DOCK2: variants seen among roughly 807,000 people sequenced by gnomAD.
DOCK2 encodes dedicator of cytokinesis 2, also known as dedicator of cytokinesis protein 2.
A neutral mutation model predicts 248.9 loss-of-function variants in DOCK2; 87 were observed. The ratio of observed to expected loss-of-function variants is 0.35; its 90% CI spans 0.29 to 0.42. The LOEUF (loss-of-function observed/expected upper bound fraction) is 0.42. Ranked by LOEUF, DOCK2 falls within the 10% of genes least tolerant of loss-of-function variation. The pLI, the probability that DOCK2 is intolerant of heterozygous loss-of-function variation, is 1.00. For missense variants in DOCK2, 1,747 were observed against 2,300.2 expected, an observed-to-expected ratio of 0.76 and a Z score of 4.92; for synonymous variants, 805 against 821.6, an observed-to-expected ratio of 0.98 and a Z score of 0.35.
At chr5:169,965,226 T>C (rs980720653) in intron 27 of DOCK2, among the ~76,000 whole-genome samples, 1 of 152,216 alleles carries the variant, frequency 6.6e-6, no homozygotes, top group Non-Finnish European at 1.5e-5. Flanking sequence ...TAAATTTCCA[T>C]GGGCCTAATA....
At chr5:169,686,439 G>A (rs1006215431) in intron 8 of DOCK2, among the ~76,000 whole-genome samples, 4 of 152,218 alleles carry the variant, frequency 2.6e-5, no homozygotes, top group Non-Finnish European at 5.9e-5. Context: ...ATCTCTGAGA[G>A]TGCTGGAGAC....
At chr5:170,043,314 G>C (rs1197457506) in intron 38 of DOCK2, among the ~76,000 whole-genome samples, 1 of 152,172 alleles carries the variant, frequency 6.6e-6, no homozygotes, top group Non-Finnish European at 1.5e-5. Context: ...TGAAAATAGA[G>C]TGAGAAAATG....
intron 26 of DOCK2, among the ~76,000 whole-genome samples, chr5:169,826,988 C>T (rs1266125131): frequency 2.6e-5 from 4 of 152,016 alleles, no homozygotes; most frequent in Non-Finnish European, 5.9e-5. Context: ...TCTCTGAATC[C>T]TCAGAATCCA....
chr5:169,882,152 A>T (rs954998419), intron 27 of DOCK2, among the ~76,000 whole-genome samples: 2 of 152,218 alleles, frequency 1.3e-5, no homozygotes, highest in Admixed American at 6.5e-5. Context: ...TCACAATGAC[A>T]TGAAGAACAG....
intron 41 of DOCK2, among the ~76,000 whole-genome samples, chr5:170,054,786 T>G (rs1346826226): frequency 2.0e-5 from 3 of 152,296 alleles, no homozygotes; most frequent in Middle Eastern, 3.4e-3. Flanking sequence ...GGGCCGCCTT[T>G]GAGTAGTGAG....
intron 33 of DOCK2, among the ~76,000 whole-genome samples, chr5:170,021,611 G>C (rs2113824232): frequency 6.6e-6 from 1 of 152,148 alleles, no homozygotes; most frequent in Non-Finnish European, 1.5e-5. Flanking sequence ...CATTCCTTGG[G>C]CTCCTCACTC....
At chr5:169,780,923 T>C (rs1215530749) in intron 25 of DOCK2, among the ~76,000 whole-genome samples, 2 of 152,178 alleles carry the variant, frequency 1.3e-5, no homozygotes, top group African/African-American at 4.8e-5. Context: ...CCAAAACACT[T>C]CTAATATTAT....
intron 27 of DOCK2, among the ~76,000 whole-genome samples, chr5:169,908,028 T>C (rs1196947809): frequency 6.6e-6 from 1 of 152,222 alleles, no homozygotes; most frequent in African/African-American, 2.4e-5. Context: ...TGCCTTCATC[T>C]AGAAGCTGTG....
At chr5:169,879,775 T>C (rs184281875) in intron 27 of DOCK2, among the ~76,000 whole-genome samples, 247 of 152,324 alleles carry the variant, frequency 1.6e-3, no homozygotes, top group South Asian at 5.4e-3. Context: ...TTAAAGACCC[T>C]CATTTTTCAG....
chr5:169,990,582 A>G (rs1581509610), intron 29 of DOCK2, among the ~76,000 whole-genome samples: 1 of 152,280 alleles, frequency 6.6e-6, no homozygotes, highest in East Asian at 1.9e-4. Flanking sequence ...GATTCATTCG[A>G]ACCTTTTGGC....
At chr5:169,912,025 C>T (rs953771295) in intron 27 of DOCK2, among the ~76,000 whole-genome samples, 1 of 152,158 alleles carries the variant, frequency 6.6e-6, no homozygotes, top group Non-Finnish European at 1.5e-5. Context: ...AGGGCATGGG[C>T]TAACTGCGTA....
chr5:169,652,649 G>A (rs1561907815), intron 1 of DOCK2, among the ~76,000 whole-genome samples: 1 of 152,234 alleles, frequency 6.6e-6, no homozygotes, highest in Non-Finnish European at 1.5e-5. Flanking sequence ...GTGAGTGGCA[G>A]AGCTGGGGTT....
chr5:169,844,736 C>CT (rs5873195), intron 27 of DOCK2, among the ~76,000 whole-genome samples: 6,593 of 146,162 alleles, frequency 0.045, 333 homozygotes, highest in African/African-American at 0.12. Context: ...TGCTCTGCCT[C>CT]TTTTTTTTTT....
chr5:169,867,520 T>C (rs1206520022), intron 27 of DOCK2, among the ~76,000 whole-genome samples: 1 of 151,078 alleles, frequency 6.6e-6, no homozygotes, highest in Non-Finnish European at 1.5e-5. Context: ...TTTATCTATC[T>C]ATCATCTATC....
Position 170,021,550 on chromosome 5 carries a change from G to A in DOCK2, c.3381+2442G>A, listed in dbSNP as rs116810338. ...GATTTTCCTTCCCTAAAGGATTCTC[G>A]TATCTTGGTTTCTCTGTGGCATGCA... On this transcript the variant is annotated intron_variant, in intron 33 of 51. Coordinates refer to ENST00000520908, the MANE Select transcript of DOCK2 (RefSeq NM_004946.3). 9.3e-3 allele frequency among the ~76,000 whole-genome samples: 1,415 copies of A among 152,238 alleles called. 18 individuals carry two copies. Among genetic ancestry groups the A allele is most frequent in the African/African-American group, 0.033 (1,356 of 41,558 alleles).
intron 27 of DOCK2, chr5:169,882,788 G>A (rs1455989306): frequency 1.3e-6 from 2 of 1,551,568 alleles, no homozygotes; most frequent in Non-Finnish European, 1.7e-6. Flanking sequence ...GGACAATTTG[G>A]AAACTCCAGT....
intron 27 of DOCK2, among the ~76,000 whole-genome samples, chr5:169,893,181 G>A (rs1489232805): frequency 6.6e-6 from 1 of 152,186 alleles, no homozygotes; most frequent in Non-Finnish European, 1.5e-5. Context: ...AAGCCTCAGG[G>A]CACCTGCCCT....
intron 22 of DOCK2, among the ~76,000 whole-genome samples, chr5:169,726,269 AT>A (rs1204666155): frequency 2.6e-5 from 4 of 151,972 alleles, no homozygotes; most frequent in African/African-American, 7.3e-5. Context: ...GATAATGAGC[AT>A]TTTTTTCATG....
chr5:169,810,989 T>TCTCACACA (rs1317820236), intron 26 of DOCK2, among the ~76,000 whole-genome samples: 13 of 97,218 alleles, frequency 1.3e-4, no homozygotes, highest in Non-Finnish European at 4.8e-5. Flanking sequence ...TCTCTCTCTC[T>TCTCACACA]CACACACACA....
Sources: gnomAD v4.1 joint callset for allele counts (sites outside exome capture counted in the v4.1 genomes callset) on GRCh38, gnomAD v4.1.1 for gene constraint, MANE v1.5 for transcripts, NCBI Gene and HGNC (gene_info 2026-07-23, HGNC 2026-07-21) for gene names.